Variants in TUBAL3 observed in about 807,000 individuals in gnomAD.
The protein encoded by TUBAL3 is tubulin alpha chain-like 3.
A neutral mutation model predicts 15.5 loss-of-function variants in TUBAL3; 16 were observed. The observed-to-expected ratio is 1.04, with a 90% CI of 0.70 to 1.57. The LOEUF (loss-of-function observed/expected upper bound fraction) is 1.57. TUBAL3 is among the 40% of genes most tolerant of loss of function. The pLI is 0.00. For missense variants in TUBAL3, 609 were observed against 576.2 expected (o/e 1.06, Z -0.58); for synonymous variants, 238 against 224.3 (o/e 1.06, Z -0.55).
Position 5,394,210 on chromosome 10 carries a change from G to A in TUBAL3, c.648C>T (p.Val216=). 1 of 1,614,192 alleles carries A rather than the reference G, an allele frequency of 6.2e-7. No individual in the cohort carries two copies. The part of the protein sequence containing the change: ...DCTFMVDNEA[V]YDICHRKLGV... The stretch of plus-strand genomic sequence containing the variant: ...CGAGTTTACGATGGCATATATCATA[G>A]ACGGCCTCGTTGTCCACCATGAAGG... The change falls in exon 4 of 4, where the codon GTC becomes GTT. Residue 216 remains valine (V), a synonymous_variant. Coordinates refer to ENST00000380419, the MANE Select transcript of TUBAL3 (RefSeq NM_024803.3). The surrounding 1 kb of genome is among the most constrained non-coding windows in gnomAD (Gnocchi z 4.3).
chr10:5,404,296 A>C (rs773189982), intron 1 of TUBAL3, among the ~76,000 whole-genome samples: 4 of 152,220 alleles, frequency 2.6e-5, no homozygotes, highest in Non-Finnish European at 4.4e-5. Flanking sequence ...AATTATTGTA[A>C]GTTATTCTAT....
intron 1 of TUBAL3, among the ~76,000 whole-genome samples, chr10:5,401,787 T>G (rs1831855178): frequency 6.6e-6 from 1 of 151,006 alleles, no homozygotes; most frequent in East Asian, 1.9e-4. Context: ...GCTAGGCAAA[T>G]GATATAAACA....
At chr10:5,400,295 G>T (rs782761054) in intron 2 of TUBAL3, among the ~76,000 whole-genome samples, 3 of 152,150 alleles carry the variant, frequency 2.0e-5, no homozygotes, top group Non-Finnish European at 2.9e-5. Context: ...TATATGTGTG[G>T]ATCAATTAGC....
chr10:5,393,757 G>T lies in TUBAL3; in HGVS notation c.1101C>A (p.Pro367=). ...GFKVGINNRP[P]TVMPGGDLAK... is the part of the protein sequence containing the mutation. ...CCAGGTCCCCACCCGGCATCACCGT[G>T]GGCGGCCGATTGTTGATGCCCACCT... Residue 367 remains proline (P), a synonymous_variant, in exon 4 of 4, where the codon CCC becomes CCA. Transcript: ENST00000380419. The T allele has an allele frequency of 6.2e-7, 1 of 1,614,222 alleles. No individual in the cohort carries two copies. The highest frequency in any genetic ancestry group is 8.5e-7 in the Non-Finnish European group (1 of 1,180,052).
rs1831735256 is a variant in TUBAL3 at position 5,394,633 on chromosome 10, G to A, written c.397-172C>T. Among the ~76,000 whole-genome samples, 2 of 152,168 alleles carry A rather than the reference G, an allele frequency of 1.3e-5. No individual in the cohort carries two copies. Among genetic ancestry groups the A allele is most frequent in the African/African-American group, 2.4e-5 (1 of 41,448 alleles). Reference sequence around the variant, plus strand: ...TAGCTACTTTGAAATACTCTCAAGGGGACTTCTGGAGTAGGCAAAGCACTT... The same window carrying A: ...TAGCTACTTTGAAATACTCTCAAGGAGACTTCTGGAGTAGGCAAAGCACTT... On this transcript the variant is annotated intron_variant, in intron 3 of 3. Coordinates refer to ENST00000380419, the MANE Select transcript of TUBAL3 (RefSeq NM_024803.3). This position sits in a 1 kb window ranked among gnomAD's most constrained non-coding sequence, Gnocchi z 4.3.
At position 5,404,773 on chromosome 10, in the gene TUBAL3, G is replaced by A. The variant is rs1831904640; in HGVS notation, c.3+17C>T. The A allele has an allele frequency of 6.2e-7, 1 of 1,613,454 alleles. No individual in the cohort carries two copies. The highest frequency in any genetic ancestry group is 8.5e-7 in the Non-Finnish European group (1 of 1,179,592). The stretch of plus-strand genomic sequence containing the variant: ...GTAAAATTTCCTACAACAATGCATA[G>A]GCGTGTAGTCACTTACCATGCTGAT... On this transcript the variant is annotated intron_variant, in intron 1 of 3. Coordinates refer to ENST00000380419, the MANE Select transcript of TUBAL3 (RefSeq NM_024803.3).
intron 1 of TUBAL3, among the ~76,000 whole-genome samples, chr10:5,402,217 A>C (rs1472678181): frequency 2.0e-5 from 3 of 152,222 alleles, no homozygotes; most frequent in African/African-American, 7.2e-5. Context: ...TCCCACTTTA[A>C]ATCATCTTTT....
chr10:5,401,640 AGTGGG>A (rs1222684540), intron 1 of TUBAL3, among the ~76,000 whole-genome samples: 1 of 152,176 alleles, frequency 6.6e-6, no homozygotes, highest in Admixed American at 6.5e-5. Context: ...ACTTAAAACT[AGTGGG>A]AAATTTTACA....
Position 5,393,459 on chromosome 10 carries a change from C to CT in TUBAL3, c.*57dup. 4 of 1,484,264 alleles carry CT rather than the reference C, an allele frequency of 2.7e-6. No homozygotes were observed. Among genetic ancestry groups the CT allele is most frequent in the East Asian group, 2.3e-5 (1 of 44,052 alleles). The allele number at this position is 1,484,264 out of a possible 1,614,324, so 91.9% of individuals were successfully genotyped here. On this transcript the variant is annotated 3_prime_UTR_variant, in exon 4 of 4. Coordinates refer to ENST00000380419, the MANE Select transcript of TUBAL3 (RefSeq NM_024803.3). ...GAACTACCCACTAGGCATATAACGG[C>CT]TTGAAAAGAAAACATGCCATTTTAA...
rs1405347698 is a variant in TUBAL3 at position 5,404,767 on chromosome 10, T to A, written c.3+23A>T. On this transcript the variant is annotated intron_variant, in intron 1 of 3. Coordinates refer to ENST00000380419, the MANE Select transcript of TUBAL3 (RefSeq NM_024803.3). ...TGATTAGTAAAATTTCCTACAACAA[T>A]GCATAGGCGTGTAGTCACTTACCAT... The A allele has an allele frequency of 3.1e-6, 5 of 1,613,234 alleles. No individual in the cohort carries two copies. In the Admixed American group the frequency reaches 6.7e-5, roughly 22 times the overall value.
intron 1 of TUBAL3, among the ~76,000 whole-genome samples, chr10:5,401,592 C>G (rs1831852130): frequency 6.6e-6 from 1 of 151,996 alleles, no homozygotes; most frequent in Non-Finnish European, 1.5e-5. Context: ...GTTATCTTTA[C>G]CATTCATATG....
Position 5,394,387 on chromosome 10 carries a change from C to T in TUBAL3, c.471G>A (p.Thr157=), listed in dbSNP as rs12359438. The part of the protein sequence containing the change: ...SFGGGTGSGF[T]SLLMERLTGE... The stretch of plus-strand genomic sequence containing the variant: ...CTGTGAGCCTCTCCATTAAGAGAGA[C>T]GTAAACCCTGAACCAGTGCCTCCTC... Residue 157 remains threonine, a synonymous_variant, in exon 4 of 4, where the codon ACG becomes ACA. Transcript: ENST00000380419. The surrounding 1 kb of genome is among the most constrained non-coding windows in gnomAD (Gnocchi z 4.3). The T allele has an allele frequency of 0.012, 19,007 of 1,614,088 alleles. 148 individuals carry two copies. The highest frequency in any genetic ancestry group is 0.017 in the African/African-American group (1,250 of 75,020).
rs1554813767 is a variant in TUBAL3 at position 5,393,836 on chromosome 10, G to A, written c.1022C>T (p.Ala341Val). The change falls in exon 4 of 4, where the codon GCC becomes GTC. Residue 341 changes from alanine (A) to valine (V), a missense_variant. Physicochemically the swap from Ala to Val is moderately conservative, Grantham distance 64 (BLOSUM62 0). Transcript: ENST00000380419. ...CTGAACAGAGTGCCTCGACTTCGTG[G>A]CTGCGATTGCTGCATTCACTTCCTT... Reference protein sequence around the residue: ...VPKEVNAAIAATKSRHSVQFV... With the variant: ...VPKEVNAAIAVTKSRHSVQFV... The A allele has an allele frequency of 6.2e-7, 1 of 1,614,212 alleles. No individual in the cohort carries two copies. Among genetic ancestry groups the A allele is most frequent in the South Asian group, 1.1e-5 (1 of 91,088 alleles).
chr10:5,402,861 C>A (rs1554814763), intron 1 of TUBAL3, among the ~76,000 whole-genome samples: 2 of 152,232 alleles, frequency 1.3e-5, no homozygotes, highest in Non-Finnish European at 2.9e-5. Context: ...CCACTGCCGA[C>A]TCCATGGAAA....
At position 5,401,054 on chromosome 10, in the gene TUBAL3, C is replaced by T; in HGVS notation, c.37G>A (p.Gly13Ser). 1 of 1,614,160 alleles carries T rather than the reference C, an allele frequency of 6.2e-7. No individual in the cohort carries two copies. Among genetic ancestry groups the T allele is most frequent in the Non-Finnish European group, 8.5e-7 (1 of 1,180,038 alleles). ...ECLSIHIGQA[G>S]IQIGDACWEL... is the part of the protein sequence containing the mutation. ...CAGCAGGCGTCCCCAATCTGGATGC[C>T]AGCTTGACCGATGTGGATGGAAAGG... The change falls in exon 2 of 4, where the codon GGC becomes AGC. Residue 13 changes from glycine to serine, a missense_variant. Gly to Ser is a moderately conservative substitution (Grantham distance 56). Coordinates refer to ENST00000380419, the MANE Select transcript of TUBAL3 (RefSeq NM_024803.3).
In TUBAL3 at chr10:5,394,081, T is replaced by G. The variant is rs782498344; in HGVS notation, c.777A>C (p.Leu259=). The G allele has an allele frequency of 6.2e-7, 1 of 1,614,056 alleles. No individual in the cohort carries two copies. Among genetic ancestry groups the G allele is most frequent in the Non-Finnish European group, 8.5e-7 (1 of 1,180,036 alleles). Residue 259 remains leucine, a synonymous_variant, in exon 4 of 4, where the codon CTA becomes CTC. Coordinates refer to ENST00000380419, the MANE Select transcript of TUBAL3 (RefSeq NM_024803.3). This position sits in a 1 kb window ranked among gnomAD's most constrained non-coding sequence, Gnocchi z 4.3. ...LRFEGPLNVD[L]IEFQTNLVPY... ...GTACCAGGTTGGTCTGGAATTCAAT[T>G]AGGTCTACATTCAAGGGCCCTTCAA...
rs998760950 is a variant in TUBAL3 at position 5,397,223 on chromosome 10, C to T, written c.248-1748G>A. On this transcript the variant is annotated intron_variant, in intron 2 of 3. Coordinates refer to ENST00000380419, the MANE Select transcript of TUBAL3 (RefSeq NM_024803.3). This position sits in a 1 kb window ranked among gnomAD's most constrained non-coding sequence, Gnocchi z 4.9. ...AGAGCACGATTGTTTTTCAATTCAC[C>T]GTGCCTTCCGTGCGTGACCATGAAT... Among the ~76,000 whole-genome samples the T allele has an allele frequency of 3.3e-5, 5 of 152,266 alleles. No homozygotes were observed. The highest frequency in any genetic ancestry group is 1.9e-4 in the East Asian group (1 of 5,186).
chr10:5,393,670 G>A lies in TUBAL3; in HGVS notation c.1188C>T (p.Ala396=). Residue 396 remains alanine, a synonymous_variant, in exon 4 of 4, where the codon GCC becomes GCT. Coordinates refer to ENST00000380419, the MANE Select transcript of TUBAL3 (RefSeq NM_024803.3). The stretch of plus-strand genomic sequence containing the variant: ...TGAGGTCAAACTTGTGGTCCAGGCG[G>A]GCCCAGGCCTCCACAATCGCCGTGG... The part of the protein sequence containing the change: ...SNTTAIVEAW[A]RLDHKFDLMY... 1.9e-6 allele frequency: 3 copies of A among 1,614,150 alleles called. No individual in the cohort carries two copies. The highest frequency in any genetic ancestry group is 2.5e-6 in the Non-Finnish European group (3 of 1,180,014).
chr10:5,398,697 G>A (rs1554814381), intron 2 of TUBAL3, among the ~76,000 whole-genome samples: 1 of 152,174 alleles, frequency 6.6e-6, no homozygotes, highest in African/African-American at 2.4e-5. Flanking sequence ...GCCCAGGATG[G>A]CTTTGAATGC....
Sources: gnomAD v4.1 joint callset for allele counts (sites outside exome capture counted in the v4.1 genomes callset) on GRCh38, gnomAD v4.1.1 for gene constraint, Gnocchi (gnomAD v3.1) non-coding constraint, MANE v1.5 for transcripts, NCBI Gene and HGNC (gene_info 2026-07-23, HGNC 2026-07-21) for gene names.